Variants in IFT140 observed in about 807,000 individuals in gnomAD.
IFT140 encodes the protein intraflagellar transport protein 140 homolog.
A neutral mutation model predicts 164.6 loss-of-function variants in IFT140; 133 were observed. That is an observed-to-expected ratio of 0.81 (90% CI 0.70 to 0.93). The LOEUF (loss-of-function observed/expected upper bound fraction) is 0.93. IFT140 is among the 40% of genes least tolerant of loss of function. The pLI, the probability that IFT140 is intolerant of heterozygous loss-of-function variation, is 0.00. For missense variants in IFT140, 2,045 were observed against 1,972.3 expected, an observed-to-expected ratio of 1.04 and a Z score of -0.70; for synonymous variants, 860 against 817.3, an observed-to-expected ratio of 1.05 and a Z score of -0.89.
At chr16:1,571,688 C>G (rs955543659) in intron 13 of IFT140, among the ~76,000 whole-genome samples, 154 bp from the exon 14 acceptor site, 1 of 152,198 alleles carries the variant, frequency 6.6e-6, no homozygotes, top group East Asian at 1.9e-4. Context: ...TTCACTCGCT[C>G]AGTGTTTACT....
chr16:1,592,373 A>G (rs2035224767), intron 5 of IFT140, 55 bp from the exon 6 acceptor site: 1 of 1,612,212 alleles, frequency 6.2e-7, no homozygotes, highest in Non-Finnish European at 8.5e-7. Flanking sequence ...ACAGCACCTC[A>G]GGGCTGGGGC....
intron 10 of IFT140, among the ~76,000 whole-genome samples, chr16:1,585,279 G>A (rs190999696): frequency 1.2e-4 from 19 of 152,320 alleles, no homozygotes; most frequent in Admixed American, 3.3e-4. Context: ...ATCTGGAGGG[G>A]CCTTGAAACC....
At chr16:1,611,205 G>T (rs986452533) in intron 1 of IFT140, among the ~76,000 whole-genome samples, 1 of 152,198 alleles carries the variant, frequency 6.6e-6, no homozygotes, top group African/African-American at 2.4e-5. Flanking sequence ...GGCAGGGAGC[G>T]CCCCCAAGAA....
At chr16:1,570,742 T>C (rs1160562158) in intron 14 of IFT140, among the ~76,000 whole-genome samples, 1 of 152,202 alleles carries the variant, frequency 6.6e-6, no homozygotes, top group Admixed American at 6.5e-5. Flanking sequence ...TGTTCCGTCC[T>C]GGGGTCCTCT....
rs1004691827 is a variant in IFT140, at chr16:1,564,837, C to T, written c.1902-675G>A. Among the ~76,000 whole-genome samples the T allele has an allele frequency of 2.6e-5, 4 of 152,166 alleles. No individual in the cohort carries two copies. The highest frequency in any genetic ancestry group is 4.4e-5 in the Non-Finnish European group (3 of 68,040). ...ATGGCTGCTGAAGAAGGACAGGACCCGGTGCTGCAGGACATGAAGATCCCC... is the reference window on the plus strand; with the variant it reads ...ATGGCTGCTGAAGAAGGACAGGACCTGGTGCTGCAGGACATGAAGATCCCC... On this transcript the variant is annotated intron_variant, in intron 16 of 30. Transcript: ENST00000426508. This position sits in a 1 kb window ranked among gnomAD's most constrained non-coding sequence, Gnocchi z 5.5.
At chr16:1,513,677 T>TTA (rs1275839368) in intron 30 of IFT140, among the ~76,000 whole-genome samples, 1 of 151,134 alleles carries the variant, frequency 6.6e-6, no homozygotes, top group Admixed American at 6.6e-5. Flanking sequence ...CTTTCTTTTT[T>TTA]TTTTTTTCTT....
At chr16:1,515,476 A>G (rs2040310553) in intron 30 of IFT140, among the ~76,000 whole-genome samples, 1 of 152,166 alleles carries the variant, frequency 6.6e-6, no homozygotes, top group Admixed American at 6.6e-5. Context: ...GTGCTATCAC[A>G]GCTCACTGCA....
intron 13 of IFT140, among the ~76,000 whole-genome samples, chr16:1,572,685 T>C (rs571703005): frequency 6.6e-6 from 1 of 152,302 alleles, no homozygotes; most frequent in Non-Finnish European, 1.5e-5. Flanking sequence ...TACCCCACAG[T>C]CACCCCACAG....
At chr16:1,532,816 A>G (rs1229538220) in intron 19 of IFT140, 1 of 152,244 alleles carries the variant, frequency 6.6e-6, no homozygotes, top group African/African-American at 2.4e-5. Flanking sequence ...AGCAGAATAG[A>G]CGAAGATGCT....
chr16:1,566,774 C>T (rs1276911221), intron 15 of IFT140, among the ~76,000 whole-genome samples: 1 of 152,130 alleles, frequency 6.6e-6, no homozygotes, highest in Non-Finnish European at 1.5e-5. Flanking sequence ...TCTTTTGGGT[C>T]TTCCCGTCAG....
At position 1,521,917 on chromosome 16, in the gene IFT140, T is replaced by A. The variant is rs866041532; in HGVS notation, c.3454-1109A>T. Among the ~76,000 whole-genome samples the A allele has an allele frequency of 1.7e-3, 218 of 131,536 alleles. 2 individuals carry two copies. The highest frequency in any genetic ancestry group is 4.0e-3 in the South Asian group (16 of 4,046). 86.3% of individuals were successfully genotyped at this position (131,536 alleles called of 152,430 possible). A position where few individuals can be genotyped will look rare whatever the true frequency, so the allele number is the denominator to read the frequency against. On this transcript the variant is annotated intron_variant, in intron 26 of 30. Transcript: ENST00000426508. The stretch of plus-strand genomic sequence containing the variant: ...TATGAAGTAATAACACATTTATATT[T>A]AAAAAAAAAAAAAAAAAGAATATGG...
intron 19 of IFT140, among the ~76,000 whole-genome samples, chr16:1,552,260 G>A (rs2032710868): frequency 6.6e-6 from 1 of 152,070 alleles, no homozygotes; most frequent in Non-Finnish European, 1.5e-5. Context: ...TCCCGCCCTC[G>A]AGGGTCTCAG....
intron 4 of IFT140, among the ~76,000 whole-genome samples, chr16:1,598,240 C>T (rs532466074): frequency 3.0e-4 from 46 of 152,266 alleles, no homozygotes; most frequent in Admixed American, 1.2e-3. Context: ...GGGCAGATCA[C>T]GAGGTCAGGA....
intron 19 of IFT140, chr16:1,534,580 C>T: frequency 6.3e-7 from 1 of 1,598,092 alleles, no homozygotes. Context: ...TTTCCTGATG[C>T]CTTCAGCGTG....
chr16:1,580,176 T>G (rs2034482837), intron 13 of IFT140: 1 of 152,336 alleles, frequency 6.6e-6, no homozygotes, highest in Non-Finnish European at 1.5e-5. Flanking sequence ...CTGCAAAAGG[T>G]CCTTGCCTTG....
chr16:1,589,039 T>C (rs1344755398), intron 7 of IFT140, among the ~76,000 whole-genome samples: 1 of 152,192 alleles, frequency 6.6e-6, no homozygotes, highest in Non-Finnish European at 1.5e-5. Flanking sequence ...TGGTAGGTTG[T>C]TACGGTGGCC....
intron 12 of IFT140, among the ~76,000 whole-genome samples, chr16:1,582,569 T>A (rs564372442): frequency 2.2e-4 from 34 of 152,258 alleles, no homozygotes; most frequent in Middle Eastern, 3.2e-3. Flanking sequence ...TACAGCTGCC[T>A]CAGGAAACTC....
chr16:1,524,848 T>C lies in IFT140; in HGVS notation c.2933A>G (p.Tyr978Cys), dbSNP rs375561732. The change falls in exon 23 of 31, where the codon TAC becomes TGC. Residue 978 changes from tyrosine (Y) to cysteine (C), a missense_variant. Physicochemically the swap from Tyr to Cys is radical, Grantham distance 194. Coordinates refer to ENST00000426508, the MANE Select transcript of IFT140 (RefSeq NM_014714.4). Reference protein sequence around the residue: ...QGEMDAALHYYELARDHFSLV... With the variant: ...QGEMDAALHYCELARDHFSLV... The stretch of plus-strand genomic sequence containing the variant: ...GGAGAAGTGGTCCCGGGCCAGCTCG[T>C]AGTAGTGCAGCGCGGCGTCCATCTC... 6 of 1,613,068 alleles carry C rather than the reference T, an allele frequency of 3.7e-6. No homozygotes were observed. Among genetic ancestry groups the C allele is most frequent in the Middle Eastern group, 1.6e-4 (1 of 6,084 alleles).
Position 1,558,151 on chromosome 16 carries a change from C to G in IFT140, c.2200-17G>C, listed in dbSNP as rs750260483. 1.2e-5 allele frequency: 20 copies of G among 1,613,402 alleles called. No homozygotes were observed. In the South Asian group the frequency reaches 2.1e-4, roughly 17 times the overall value. ...TTCTTCGGGCTAAATGACAAAGGAC[C>G]CATGTGTTTGTTAATTCATATGTAA... On this transcript the variant is annotated splice_polypyrimidine_tract_variant and intron_variant, in intron 18 of 30. Coordinates refer to ENST00000426508, the MANE Select transcript of IFT140 (RefSeq NM_014714.4).
Sources: allele counts gnomAD v4.1 joint callset (sites outside exome capture counted in the v4.1 genomes callset), GRCh38; gene constraint gnomAD v4.1.1; non-coding constraint Gnocchi (gnomAD v3.1); transcripts MANE v1.5; gene names NCBI Gene and HGNC (gene_info 2026-07-23, HGNC 2026-07-21).